NUP50: variants seen among roughly 807,000 people sequenced by gnomAD.
NUP50 encodes nuclear pore complex protein Nup50.
NUP50 carries 14 observed loss-of-function variants against 36.8 expected under a neutral mutation model. The ratio of observed to expected loss-of-function variants is 0.38; its 90% CI spans 0.25 to 0.59. NUP50 has a LOEUF of 0.59. NUP50 is among the 20% of genes least tolerant of loss of function. The pLI, the probability that NUP50 is intolerant of heterozygous loss-of-function variation, is 0.63. For synonymous variants in NUP50, 195 were observed against 210.8 expected (o/e 0.93, Z 0.65); for missense variants, 455 against 564.6 (o/e 0.81, Z 1.97).
At position 45,177,995 on chromosome 22, in the gene NUP50, G is replaced by A. The variant is rs548953638; in HGVS notation, c.341-243G>A. On this transcript the variant is annotated intron_variant, in intron 4 of 7. Transcript: ENST00000347635. ...ACAAAAATTAGCCGGGTGTGGTGGC[G>A]GGTGCCCGTAATCCCACCTACTCGG... is the stretch of plus-strand genomic sequence containing the variant. 5.4e-3 allele frequency: 2,468 copies of A among 453,468 alleles called. 11 individuals carry two copies. Among genetic ancestry groups the A allele is most frequent in the Non-Finnish European group, 8.0e-3 (2,010 of 251,722 alleles). 28.1% of individuals were successfully genotyped at this position (453,468 alleles called of 1,614,324 possible). A position where few individuals can be genotyped will look rare whatever the true frequency, so the allele number is the denominator to read the frequency against.
At chr22:45,168,766 A>C (rs2074135260) in intron 2 of NUP50, among the ~76,000 whole-genome samples, 1 of 152,136 alleles carries the variant, frequency 6.6e-6, no homozygotes, top group Non-Finnish European at 1.5e-5. Flanking sequence ...CATTTATAGG[A>C]ATAGAATTGA....
intron 4 of NUP50, among the ~76,000 whole-genome samples, chr22:45,176,318 T>G (rs1352300970): frequency 6.6e-6 from 1 of 152,212 alleles, no homozygotes; most frequent in Non-Finnish European, 1.5e-5. Flanking sequence ...CTACCAGTTG[T>G]GTGACCCTGG....
intron 1 of NUP50, among the ~76,000 whole-genome samples, chr22:45,167,482 A>G (rs1371474927): frequency 3.3e-5 from 5 of 152,346 alleles, no homozygotes; most frequent in Admixed American, 6.5e-5. Flanking sequence ...CCCTTCCACT[A>G]ATGCCATCGT....
rs372228306 is a variant in NUP50, at chr22:45,183,554, C to T, written c.1204+34C>T. 33 of 1,267,164 alleles carry T rather than the reference C, an allele frequency of 2.6e-5. 1 individual carries two copies. The African/African-American group carries it at 4.4e-4, about 17-fold the overall frequency. 78.5% of individuals were successfully genotyped at this position (1,267,164 alleles called of 1,614,324 possible). On this transcript the variant is annotated intron_variant, in intron 7 of 7. Coordinates refer to ENST00000347635, the MANE Select transcript of NUP50 (RefSeq NM_007172.4). ...CTTTTTTCAGTTAGCACAAAATCAT[C>T]ATCACATAGTATATAAAAGCGTTTA...
At chr22:45,182,859 C>T (rs2074399009) in intron 6 of NUP50, among the ~76,000 whole-genome samples, 1 of 151,894 alleles carries the variant, frequency 6.6e-6, no homozygotes, top group Non-Finnish European at 1.5e-5. Flanking sequence ...CTCCTGACCT[C>T]ATGATCTGCC....
intron 3 of NUP50, 69 bp downstream of exon 3, chr22:45,171,752 C>A: frequency 1.7e-6 from 2 of 1,165,018 alleles, no homozygotes; most frequent in East Asian, 2.4e-5. Flanking sequence ...GCAATCCCTC[C>A]GCTGGGAGCA....
Position 45,178,538 on chromosome 22 carries a change from A to G in NUP50, c.641A>G (p.Lys214Arg), listed in dbSNP as rs761440395. ...SGRNSESESN[K>R]VAAETQSPSL... Reference sequence around the variant, plus strand: ...AGGAATTCTGAAAGTGAATCTAACAAAGTGGCAGCTGAAACACAGTCTCCT... The same window carrying G: ...AGGAATTCTGAAAGTGAATCTAACAGAGTGGCAGCTGAAACACAGTCTCCT... The change falls in exon 5 of 8, where the codon AAA becomes AGA. Residue 214 changes from lysine (K) to arginine (R), a missense_variant. Physicochemically the swap from Lys to Arg is conservative, Grantham distance 26 (BLOSUM62 2). Around this residue, in one of 3 missense-constraint regions of NUP50, gnomAD observed 287 missense variants for 345.5 expected, o/e 0.83. Coordinates refer to ENST00000347635, the MANE Select transcript of NUP50 (RefSeq NM_007172.4). The G allele has an allele frequency of 1.2e-6, 2 of 1,612,072 alleles. No individual in the cohort carries two copies. The highest frequency in any genetic ancestry group is 2.2e-5 in the South Asian group (2 of 90,994).
chr22:45,183,297 A>G (rs1451431246), intron 6 of NUP50, 105 bp from the exon 7 acceptor site: 2 of 712,390 alleles, frequency 2.8e-6, no homozygotes, highest in Non-Finnish European at 5.0e-6. Flanking sequence ...TCCTGTACTC[A>G]TTTAATAGAG....
rs143592093 is a variant in NUP50, at chr22:45,179,297, CAT to C, written c.1003+398_1003+399del. 8.8e-3 allele frequency: 1,504 copies of C among 170,992 alleles called. 23 individuals carry two copies. The highest frequency in any genetic ancestry group is 0.033 in the African/African-American group (1,395 of 41,826). The allele number at this position is 170,992 out of a possible 1,614,324, so 10.6% of individuals were successfully genotyped here. A position where few individuals can be genotyped will look rare whatever the true frequency, so the allele number is the denominator to read the frequency against. ...TAGGAGATCTCACTGTAAATAAAGT[CAT>C]GTGGCAAAACAGTACTTGACTATAC... On this transcript the variant is annotated intron_variant, in intron 5 of 7. Transcript: ENST00000347635.
In NUP50 at chr22:45,185,636, TAA is replaced by T. The variant is rs2074458017; in HGVS notation, c.*983_*984del. ...AAGTCATGGAAGAGAAAATCGTGTG[TAA>T]ACTTTGCCTTTAACTTTAGACCGCA... is the stretch of plus-strand genomic sequence containing the variant. On this transcript the variant is annotated 3_prime_UTR_variant, in exon 8 of 8. Transcript: ENST00000347635. 6.6e-6 allele frequency: 1 copy of T among 152,210 alleles called. No individual in the cohort carries two copies. Among genetic ancestry groups the T allele is most frequent in the Non-Finnish European group, 1.5e-5 (1 of 68,038 alleles). The allele number at this position is 152,210 out of a possible 1,614,324, so 9.4% of individuals were successfully genotyped here.
intron 3 of NUP50, among the ~76,000 whole-genome samples, chr22:45,174,174 G>C (rs1418236129): frequency 5.3e-5 from 7 of 131,834 alleles, no homozygotes; most frequent in Non-Finnish European, 1.1e-4. Flanking sequence ...GCCCACATGG[G>C]TATTTTCCCT....
At chr22:45,168,124 TTA>T in intron 1 of NUP50, 42 bp from the exon 2 acceptor site, 1 of 1,402,140 alleles carries the variant, frequency 7.1e-7, no homozygotes, top group Non-Finnish European at 9.9e-7. Context: ...TTATAAGAAT[TTA>T]TTCTTCTAGA....
In NUP50 at chr22:45,185,660, C is replaced by T. The variant is rs755958193; in HGVS notation, c.*1005C>T. Reference sequence around the variant, plus strand: ...GTAAACTTTGCCTTTAACTTTAGACCGCAGTATATTATAATACATTTGATA... The same window carrying T: ...GTAAACTTTGCCTTTAACTTTAGACTGCAGTATATTATAATACATTTGATA... On this transcript the variant is annotated 3_prime_UTR_variant, in exon 8 of 8. Coordinates refer to ENST00000347635, the MANE Select transcript of NUP50 (RefSeq NM_007172.4). 2 of 152,074 alleles carry T rather than the reference C, an allele frequency of 1.3e-5. No homozygotes were observed. The highest frequency in any genetic ancestry group is 2.9e-5 in the Non-Finnish European group (2 of 68,016). 9.4% of individuals were successfully genotyped at this position (152,074 alleles called of 1,614,324 possible).
intron 3 of NUP50, chr22:45,172,169 G>GA: frequency 6.4e-6 from 1 of 155,720 alleles, no homozygotes. Flanking sequence ...TTGAAATAAT[G>GA]TGCTGATTAT....
rs2074123922 is a variant in NUP50, at chr22:45,168,129, C to T, written c.-10-39C>T. ...TTAAAATTCTTTATAAGAATTTATT[C>T]TTCTAGAAAAATAAACTCTTCTGTT... On this transcript the variant is annotated intron_variant, in intron 1 of 7. Transcript: ENST00000347635. 14 of 1,413,314 alleles carry T rather than the reference C, an allele frequency of 9.9e-6. No individual in the cohort carries two copies. In the East Asian group the frequency reaches 2.3e-4, roughly 23 times the overall value. The allele number at this position is 1,413,314 out of a possible 1,614,324, so 87.5% of individuals were successfully genotyped here.
At chr22:45,182,223 C>T (rs1018404893) in intron 6 of NUP50, among the ~76,000 whole-genome samples, 1 of 151,908 alleles carries the variant, frequency 6.6e-6, no homozygotes, top group Admixed American at 6.6e-5. Context: ...GGCAGATCAC[C>T]TGAGGTCAGG....
In NUP50 at chr22:45,186,788, A is replaced by G. The variant is rs1488828649; in HGVS notation, c.*2133A>G. 2 of 152,606 alleles carry G rather than the reference A, an allele frequency of 1.3e-5. No homozygotes were observed. The highest frequency in any genetic ancestry group is 3.8e-4 in the East Asian group (2 of 5,204). 9.5% of individuals were successfully genotyped at this position (152,606 alleles called of 1,614,324 possible). A position where few individuals can be genotyped will look rare whatever the true frequency, so the allele number is the denominator to read the frequency against. ...TGAATATACCGTAACTCAAAATGTG[A>G]TATTTTCTTAAAATCACTCTTTTAT... On this transcript the variant is annotated 3_prime_UTR_variant, in exon 8 of 8. Transcript: ENST00000347635.
rs758272944 is a variant in NUP50 at position 45,176,078 on chromosome 22, T to C, written c.338T>C (p.Phe113Ser). The C allele has an allele frequency of 2.2e-5, 36 of 1,612,952 alleles. No homozygotes were observed. Among genetic ancestry groups the C allele is most frequent in the Non-Finnish European group, 2.8e-5 (33 of 1,179,216 alleles). Residue 113 changes from phenylalanine to serine, a missense_variant and splice_region_variant, in exon 4 of 8, where the codon TTT becomes TCT. By Grantham distance (155) the Phe-to-Ser change is radical. This residue lies in a region of NUP50 where 166 missense variants were observed against 202.8 expected (regional missense o/e 0.82). Transcript: ENST00000347635. ...AKAAADPKVA[F>S]GSLAANGPTT... ...GCAGCGGCAGATCCCAAGGTAGCCT[T>C]TGGTAAGTAGCTCCCATCCCCCAGC...
rs540538104 is a variant in NUP50, at chr22:45,181,145, C to G, written c.1004-141C>G. 73 of 174,680 alleles carry G rather than the reference C, an allele frequency of 4.2e-4. 2 individuals are homozygous for G. Among genetic ancestry groups the G allele is most frequent in the Non-Finnish European group, 5.9e-4 (49 of 82,794 alleles). The allele number at this position is 174,680 out of a possible 1,614,324, so 10.8% of individuals were successfully genotyped here. ...TACTCCCTTCTGGCATCCCCCCCCC[C>G]CCCCATTAAGTGTGCATTTTAGTCT... is the stretch of plus-strand genomic sequence containing the variant. On this transcript the variant is annotated intron_variant, in intron 5 of 7. Transcript: ENST00000347635.
Sources: gnomAD v4.1 joint callset for allele counts (sites outside exome capture counted in the v4.1 genomes callset) on GRCh38, gnomAD v4.1.1 for gene constraint, gnomAD v4.1.1 regional missense constraint, MANE v1.5 for transcripts, NCBI Gene and HGNC (gene_info 2026-07-23, HGNC 2026-07-21) for gene names.